Variants in GADL1 observed in about 807,000 individuals in gnomAD.
GADL1 encodes the protein acidic amino acid decarboxylase GADL1.
GADL1 carries 71 observed loss-of-function variants against 69.5 expected under a neutral mutation model. The ratio of observed to expected loss-of-function variants is 1.02; its 90% CI spans 0.84 to 1.25. The LOEUF (loss-of-function observed/expected upper bound fraction) is 1.25. Ranked by LOEUF, GADL1 falls within the 50% of genes most tolerant of loss-of-function variation. The pLI is 0.00. For synonymous variants in GADL1, 254 were observed against 214.4 expected (o/e 1.18, Z -1.62); for missense variants, 737 against 631.8 (o/e 1.17, Z -1.79).
rs531866304 is a variant in GADL1, at chr3:30,805,086, T to A, written c.1051-3998A>T. Reference sequence around the variant, plus strand: ...ACAACACCTAACCTAGCGCACATAATAATGACCAGAGCTAACATTTATTGA... The same window carrying A: ...ACAACACCTAACCTAGCGCACATAAAAATGACCAGAGCTAACATTTATTGA... On this transcript the variant is annotated intron_variant, in intron 11 of 14. Coordinates refer to ENST00000282538, the MANE Select transcript of GADL1 (RefSeq NM_207359.3). 2.6e-5 allele frequency among the ~76,000 whole-genome samples: 4 copies of A among 152,336 alleles called. No individual in the cohort carries two copies. In the East Asian group the frequency reaches 7.7e-4, roughly 29 times the overall value.
chr3:30,782,086 G>A (rs1215816813), intron 13 of GADL1, among the ~76,000 whole-genome samples: 2 of 152,194 alleles, frequency 1.3e-5, no homozygotes, highest in African/African-American at 4.8e-5. Context: ...AGAGGACAGG[G>A]TGTACTGAAG....
intron 6 of GADL1, among the ~76,000 whole-genome samples, chr3:30,846,336 C>A (rs568979983): frequency 6.6e-6 from 1 of 152,232 alleles, no homozygotes; most frequent in African/African-American, 2.4e-5. Context: ...AAACTCTCAG[C>A]GGGTGTTCAT....
intron 14 of GADL1, among the ~76,000 whole-genome samples, chr3:30,741,111 A>AAT (rs1336439541): frequency 1.2e-4 from 5 of 40,268 alleles, no homozygotes; most frequent in East Asian, 1.2e-3. Context: ...ATGTATTCCT[A>AAT]GTATATATAT....
intron 14 of GADL1, among the ~76,000 whole-genome samples, chr3:30,742,065 A>G (rs1351046552): frequency 6.6e-6 from 1 of 152,072 alleles, no homozygotes; most frequent in Non-Finnish European, 1.5e-5. Flanking sequence ...TAACCACCAA[A>G]CATGTGAGTA....
intron 11 of GADL1, among the ~76,000 whole-genome samples, chr3:30,806,653 C>T (rs1302506307): frequency 6.6e-6 from 1 of 152,144 alleles, no homozygotes. Flanking sequence ...AAGAACAAGG[C>T]ACAACAGAGC....
intron 9 of GADL1, among the ~76,000 whole-genome samples, chr3:30,837,788 G>A (rs529751883): frequency 3.4e-4 from 52 of 151,950 alleles, no homozygotes; most frequent in Non-Finnish European, 5.6e-4. Flanking sequence ...ATAATGTATT[G>A]TTATGCTTCT....
At chr3:30,741,448 C>T (rs893284745) in intron 14 of GADL1, among the ~76,000 whole-genome samples, 3 of 151,854 alleles carry the variant, frequency 2.0e-5, no homozygotes, top group African/African-American at 7.3e-5. Flanking sequence ...GAAACATGTT[C>T]GATTCCTATA....
intron 2 of GADL1, among the ~76,000 whole-genome samples, chr3:30,857,612 G>T (rs539524003): frequency 1.3e-5 from 2 of 152,086 alleles, no homozygotes; most frequent in South Asian, 4.1e-4. Context: ...CCGGCCCTAT[G>T]CAGTCTGCTA....
intron 14 of GADL1, among the ~76,000 whole-genome samples, chr3:30,741,053 G>A (rs139447683): frequency 0.14 from 16,515 of 113,988 alleles, 1,289 homozygotes; most frequent in African/African-American, 0.28. Context: ...TGATATATCA[G>A]ATATATAAAT....
At chr3:30,763,309 T>G (rs1196500327) in intron 14 of GADL1, among the ~76,000 whole-genome samples, 2 of 151,976 alleles carry the variant, frequency 1.3e-5, no homozygotes, top group Non-Finnish European at 2.9e-5. Context: ...CCATCCTGGC[T>G]AACACGGTGA....
chr3:30,855,440 C>A (rs1042743229), intron 3 of GADL1, among the ~76,000 whole-genome samples: 41 of 152,146 alleles, frequency 2.7e-4, no homozygotes, highest in African/African-American at 9.6e-4. Flanking sequence ...TCACCCCAGG[C>A]TATGGCACTG....
At chr3:30,740,916 T>G (rs1205375856) in intron 14 of GADL1, among the ~76,000 whole-genome samples, 1 of 141,710 alleles carries the variant, frequency 7.1e-6, no homozygotes, top group Non-Finnish European at 1.5e-5. Context: ...ATATCTAATA[T>G]ATAAAAAACA....
Position 30,850,943 on chromosome 3 carries a change from T to C in GADL1, c.429-2A>G. ...ACTGGGGACACCTCATACGTATAAC[T>C]AGATAGATATAAAAAACACTTCACT... On this transcript the variant is annotated splice_acceptor_variant, in intron 4 of 14. Transcript: ENST00000282538. LOFTEE classifies it high-confidence loss of function. 1 of 1,489,496 alleles carries C rather than the reference T, an allele frequency of 6.7e-7. No homozygotes were observed. Among genetic ancestry groups the C allele is most frequent in the Admixed American group, 2.0e-5 (1 of 50,330 alleles). 92.3% of individuals were successfully genotyped at this position (1,489,496 alleles called of 1,614,324 possible).
chr3:30,738,031 C>T (rs1695563239), intron 14 of GADL1, among the ~76,000 whole-genome samples: 1 of 152,166 alleles, frequency 6.6e-6, no homozygotes, highest in African/African-American at 2.4e-5. Flanking sequence ...CGAAACTGAA[C>T]TGAAAGCTTT....
chr3:30,830,099 C>T lies in GADL1; in HGVS notation c.1050+3754G>A, dbSNP rs1407659545. Among the ~76,000 whole-genome samples the T allele has an allele frequency of 2.6e-5, 4 of 151,828 alleles. 1 individual carries two copies. Among genetic ancestry groups the T allele is most frequent in the Admixed American group, 2.6e-4 (4 of 15,218 alleles). On this transcript the variant is annotated intron_variant, in intron 11 of 14. Transcript: ENST00000282538. The stretch of plus-strand genomic sequence containing the variant: ...AAAATATGGCACCTTGGAGGTCACT[C>T]TCTGATCTCCTCTCACCTTTCTTCC...
rs757947294 is a variant in GADL1, at chr3:30,778,184, T to G, written c.1387A>C (p.Asn463His). 6.3e-7 allele frequency: 1 copy of G among 1,586,422 alleles called. No homozygotes were observed. Among genetic ancestry groups the G allele is most frequent in the African/African-American group, 1.3e-5 (1 of 74,394 alleles). ...ACCATTTACTTATTACTTACCAAAT[T>G]AAGTTTTGCCCAGAACTCGGGTCCT... ...EEGPEFWAKL[N>H]LVAPAIKERM... The change falls in exon 14 of 15, where the codon AAT becomes CAT. Residue 463 changes from asparagine to histidine, a missense_variant. By Grantham distance (68) the Asn-to-His change is moderately conservative. Transcript: ENST00000282538.
chr3:30,824,863 C>A (rs922341504), intron 11 of GADL1, among the ~76,000 whole-genome samples: 1 of 151,746 alleles, frequency 6.6e-6, no homozygotes, highest in Non-Finnish European at 1.5e-5. Flanking sequence ...GTGAGAATGA[C>A]CTGTTCACAT....
Position 30,751,845 on chromosome 3 carries a change from G to A in GADL1, c.1393-23430C>T, listed in dbSNP as rs898476763. ...CTTTTTTTGTCTCTGACTAAACACA[G>A]AAGTAGGATTAAATGGCAGGGCTAA... On this transcript the variant is annotated intron_variant, in intron 14 of 14. Transcript: ENST00000282538. 2.6e-5 allele frequency among the ~76,000 whole-genome samples: 4 copies of A among 152,300 alleles called. No homozygotes were observed. In the South Asian group the frequency reaches 8.3e-4, roughly 32 times the overall value.
chr3:30,875,395 T>C (rs1698564063), intron 1 of GADL1, among the ~76,000 whole-genome samples: 1 of 151,884 alleles, frequency 6.6e-6, no homozygotes, highest in African/African-American at 2.4e-5. Flanking sequence ...TATGAGGACC[T>C]TCCAAAATCT....
Sources: allele counts gnomAD v4.1 joint callset (sites outside exome capture counted in the v4.1 genomes callset), GRCh38; gene constraint gnomAD v4.1.1; transcripts MANE v1.5; gene names NCBI Gene and HGNC (gene_info 2026-07-23, HGNC 2026-07-21).